The following FXR1 variants were observed in gnomAD, a reference collection of about 807,000 sequenced individuals.
FXR1 encodes the protein FMR1 autosomal homolog 1.
FXR1 carries 15 observed loss-of-function variants against 84.0 expected under a neutral mutation model. That is an observed-to-expected ratio of 0.18 (90% CI 0.12 to 0.27). The LOEUF (loss-of-function observed/expected upper bound fraction) is 0.27, where lower values mean the gene tolerates loss of function less well. Ranked by LOEUF, FXR1 falls within the 10% of genes least tolerant of loss-of-function variation. The pLI, the probability that FXR1 is intolerant of heterozygous loss-of-function variation, is 1.00. For missense variants in FXR1, 480 were observed against 774.4 expected, an observed-to-expected ratio of 0.62 and a Z score of 4.51; for synonymous variants, 245 against 250.7, an observed-to-expected ratio of 0.98 and a Z score of 0.21.
intron 1 of FXR1, among the ~76,000 whole-genome samples, chr3:180,922,713 A>G (rs1475142599): frequency 1.3e-5 from 2 of 152,146 alleles, no homozygotes; most frequent in Non-Finnish European, 2.9e-5. Context: ...TCCAGGTTCA[A>G]GCGATCCTCC....
chr3:180,966,614 G>A (rs1394243563), intron 13 of FXR1, among the ~76,000 whole-genome samples: 3 of 152,152 alleles, frequency 2.0e-5, no homozygotes, highest in African/African-American at 4.8e-5. Context: ...TATACACTCT[G>A]CCAGGCATTT....
intron 7 of FXR1, among the ~76,000 whole-genome samples, chr3:180,951,062 A>T (rs1305376975): frequency 6.8e-6 from 1 of 146,800 alleles, no homozygotes; most frequent in African/African-American, 2.5e-5. Context: ...AAAATAAATT[A>T]AAAAAAAAAA....
In FXR1 at chr3:180,949,278, T is replaced by A; in HGVS notation, c.565T>A (p.Leu189Met). 1 of 1,606,696 alleles carries A rather than the reference T, an allele frequency of 6.2e-7. No homozygotes were observed. The highest frequency in any genetic ancestry group is 8.5e-7 in the Non-Finnish European group (1 of 1,173,254). Residue 189 changes from leucine (L) to methionine (M), a missense_variant, in exon 7 of 17, where the codon TTG becomes ATG. Coordinates refer to ENST00000357559, the MANE Select transcript of FXR1 (RefSeq NM_005087.4). ...AGTAAACATCTTAAGTGACATGCAT[T>A]TGCGAAGTATTCGTACGAAGTTGAT... ...KRVNILSDMH[L>M]RSIRTKLMLM...
chr3:180,940,058 A>G (rs972159750), intron 3 of FXR1, among the ~76,000 whole-genome samples: 1 of 152,238 alleles, frequency 6.6e-6, no homozygotes, highest in Non-Finnish European at 1.5e-5. Context: ...TAGGAAATTT[A>G]CATGAAGTTA....
Position 180,976,481 on chromosome 3 carries a change from A to G in FXR1, c.*189A>G. The G allele has an allele frequency of 4.6e-6, 2 of 432,656 alleles. No individual in the cohort carries two copies. Among genetic ancestry groups the G allele is most frequent in the Non-Finnish European group, 8.3e-6 (2 of 240,754 alleles). The allele number at this position is 432,656 out of a possible 1,614,324, so 26.8% of individuals were successfully genotyped here. A position where few individuals can be genotyped will look rare whatever the true frequency, so the allele number is the denominator to read the frequency against. On this transcript the variant is annotated 3_prime_UTR_variant, in exon 17 of 17. Coordinates refer to ENST00000357559, the MANE Select transcript of FXR1 (RefSeq NM_005087.4). ...AACATACTTTGACACCTACTGTGTT[A>G]TAAAATATATCATCAGATGTGCCTT...
intron 1 of FXR1, chr3:180,927,798 C>T: frequency 2.3e-6 from 1 of 426,536 alleles, no homozygotes; most frequent in Non-Finnish European, 4.1e-6. Flanking sequence ...ATTAAAATTA[C>T]ATTTTTTCCT....
intron 1 of FXR1, among the ~76,000 whole-genome samples, chr3:180,931,521 C>T (rs1418873685): frequency 6.6e-6 from 1 of 151,982 alleles, no homozygotes; most frequent in Non-Finnish European, 1.5e-5. Context: ...ACCGGGCCTA[C>T]CATAGCAATC....
chr3:180,953,627 C>G (rs1722449835), intron 8 of FXR1, 135 bp from the exon 9 acceptor site: 1 of 538,676 alleles, frequency 1.9e-6, no homozygotes, highest in Non-Finnish European at 3.3e-6. Flanking sequence ...AAATCTCTCC[C>G]CAGTGGAATG....
chr3:180,947,583 C>T (rs998947908), intron 3 of FXR1, among the ~76,000 whole-genome samples: 1 of 152,088 alleles, frequency 6.6e-6, no homozygotes, highest in African/African-American at 2.4e-5. Context: ...ATTTAAAACT[C>T]CTTTGTAAGA....
At chr3:180,957,135 T>G (rs1003174160) in intron 9 of FXR1, among the ~76,000 whole-genome samples, 11 of 152,178 alleles carry the variant, frequency 7.2e-5, no homozygotes, top group African/African-American at 2.7e-4. Flanking sequence ...TTTTGACCCC[T>G]TTATTTATTA....
intron 9 of FXR1, 118 bp from the exon 10 acceptor site, chr3:180,957,701 G>T: frequency 3.6e-6 from 2 of 563,132 alleles, no homozygotes; most frequent in East Asian, 3.0e-5. Flanking sequence ...GTAAAAAGAT[G>T]GGAGCTTCAC....
At chr3:180,949,977 C>G (rs1722062309) in intron 7 of FXR1, among the ~76,000 whole-genome samples, 1 of 152,140 alleles carries the variant, frequency 6.6e-6, no homozygotes, top group African/African-American at 2.4e-5. Context: ...GTCATGATAT[C>G]TTTCATCAGT....
chr3:180,920,534 T>C (rs949745003), intron 1 of FXR1, among the ~76,000 whole-genome samples: 10 of 151,652 alleles, frequency 6.6e-5, no homozygotes, highest in African/African-American at 2.4e-4. Flanking sequence ...TTTTTTTTTT[T>C]TGAGTCTAGC....
chr3:180,962,902 T>G lies in FXR1; in HGVS notation c.1097T>G (p.Met366Arg), dbSNP rs758451039. 1 of 1,611,312 alleles carries G rather than the reference T, an allele frequency of 6.2e-7. No homozygotes were observed. Among genetic ancestry groups the G allele is most frequent in the African/African-American group, 1.3e-5 (1 of 74,842 alleles). The stretch of plus-strand genomic sequence containing the variant: ...TTGTAGGAAGTAGAACAGCTAAGAA[T>G]GGAACGCCTACAGATTGATGAACAG... ...AYLKEVEQLR[M>R]ERLQIDEQLR... Residue 366 changes from methionine (M) to arginine (R), a missense_variant, in exon 12 of 17, where the codon ATG becomes AGG. Met to Arg is a moderately conservative substitution (Grantham distance 91). Coordinates refer to ENST00000357559, the MANE Select transcript of FXR1 (RefSeq NM_005087.4).
At chr3:180,936,774 T>C (rs1720572118) in intron 3 of FXR1, among the ~76,000 whole-genome samples, 1 of 152,250 alleles carries the variant, frequency 6.6e-6, no homozygotes, top group Admixed American at 6.5e-5. Context: ...ATTTATACTT[T>C]GCTTTAGTAA....
chr3:180,964,878 C>T (rs1576992845), intron 13 of FXR1, among the ~76,000 whole-genome samples: 2 of 151,598 alleles, frequency 1.3e-5, no homozygotes, highest in East Asian at 1.9e-4. Flanking sequence ...GTCGATAAAA[C>T]GTGATTATTT....
At chr3:180,926,342 A>G (rs1719175167) in intron 1 of FXR1, among the ~76,000 whole-genome samples, 2 of 151,996 alleles carry the variant, frequency 1.3e-5, no homozygotes, top group Middle Eastern at 3.4e-3. Flanking sequence ...ATAAATGTGA[A>G]CTAGAGGTAT....
intron 10 of FXR1, 94 bp downstream of exon 10, chr3:180,958,022 AG>A: frequency 1.9e-6 from 1 of 518,262 alleles, no homozygotes; most frequent in Non-Finnish European, 3.5e-6. Flanking sequence ...TCTGATACAG[AG>A]GGTTTTTCTT....
intron 1 of FXR1, among the ~76,000 whole-genome samples, chr3:180,932,087 A>AAAAAAAAAAAG (rs1190261322): frequency 6.7e-6 from 1 of 150,310 alleles, no homozygotes; most frequent in Non-Finnish European, 1.5e-5. Flanking sequence ...AAAAAAAAAA[A>AAAAAAAAAAAG]AAACAACTTT....
Sources: allele counts gnomAD v4.1 joint callset (sites outside exome capture counted in the v4.1 genomes callset), GRCh38; gene constraint gnomAD v4.1.1; transcripts MANE v1.5; gene names NCBI Gene and HGNC (gene_info 2026-07-23, HGNC 2026-07-21).